The following TEX9 variants were observed in gnomAD, a reference collection of about 807,000 sequenced individuals.
The protein encoded by TEX9 is testis expressed 9.
Under a neutral mutation model 59.6 loss-of-function variants are expected in TEX9, and 74 were observed. The ratio of observed to expected loss-of-function variants is 1.24; its 90% CI spans 1.03 to 1.51. The LOEUF (loss-of-function observed/expected upper bound fraction) is 1.51. TEX9 is among the 40% of genes most tolerant of loss of function. The pLI is 0.00. For missense variants in TEX9, 522 were observed against 447.8 expected, an observed-to-expected ratio of 1.17 and a Z score of -1.49; for synonymous variants, 186 against 152.2, an observed-to-expected ratio of 1.22 and a Z score of -1.64.
intron 1 of TEX9, among the ~76,000 whole-genome samples, chr15:56,266,281 C>A (rs2141367947): frequency 6.6e-6 from 1 of 151,764 alleles, no homozygotes; most frequent in South Asian, 2.1e-4. Flanking sequence ...TGTGCACCAC[C>A]ATGCCTGGCT....
At chr15:56,398,841 G>A (rs538981116) in intron 9 of TEX9, among the ~76,000 whole-genome samples, 7 of 152,026 alleles carry the variant, frequency 4.6e-5, no homozygotes, top group African/African-American at 1.2e-4. Context: ...TTATAGAAAC[G>A]GAAACTGACT....
intron 1 of TEX9, among the ~76,000 whole-genome samples, chr15:56,274,827 T>C (rs1272673370): frequency 6.6e-6 from 1 of 152,204 alleles, no homozygotes; most frequent in Non-Finnish European, 1.5e-5. Flanking sequence ...GGGTTTGTCT[T>C]CAGTGTACCA....
At chr15:56,417,693 G>A (rs761065812) in intron 10 of TEX9, among the ~76,000 whole-genome samples, 2 of 151,846 alleles carry the variant, frequency 1.3e-5, no homozygotes, top group Non-Finnish European at 2.9e-5. Flanking sequence ...TTCTGTAAAG[G>A]TATCATATCC....
chr15:56,446,388 G>C (rs375649542), downstream of TEX9, among the ~76,000 whole-genome samples: 3 of 151,984 alleles, frequency 2.0e-5, 1 homozygote, highest in Admixed American at 6.6e-5. Context: ...ACCATATCAG[G>C]AGTTAGAAAA....
chr15:56,386,629 A>G (rs2047974724), intron 4 of TEX9, among the ~76,000 whole-genome samples: 1 of 151,894 alleles, frequency 6.6e-6, no homozygotes, highest in Non-Finnish European at 1.5e-5. Context: ...CCATGAAACC[A>G]CTTATCTTTA....
chr15:56,426,077 C>T (rs945447306), intron 10 of TEX9, among the ~76,000 whole-genome samples: 1 of 152,112 alleles, frequency 6.6e-6, no homozygotes, highest in Non-Finnish European at 1.5e-5. Flanking sequence ...CACCAGGTTC[C>T]TGCAGTTCTG....
chr15:56,413,528 T>G (rs2049513638), intron 10 of TEX9, among the ~76,000 whole-genome samples: 1 of 151,102 alleles, frequency 6.6e-6, no homozygotes, highest in Non-Finnish European at 1.5e-5. Flanking sequence ...ACTGAAACTC[T>G]CTACCAATTA....
At chr15:56,245,091 T>C (rs955586237) in intron 1 of TEX9, among the ~76,000 whole-genome samples, 1 of 152,172 alleles carries the variant, frequency 6.6e-6, no homozygotes, top group Non-Finnish European at 1.5e-5. Flanking sequence ...CTGGCCACTT[T>C]CCTGCTGTGT....
At chr15:56,248,381 A>G (rs760218242) in intron 1 of TEX9, among the ~76,000 whole-genome samples, 4 of 152,160 alleles carry the variant, frequency 2.6e-5, no homozygotes, top group Non-Finnish European at 5.9e-5. Flanking sequence ...TAAGTAGCCT[A>G]ACTATTCAAA....
At chr15:56,345,038 GAT>G (rs58688246) in intron 1 of TEX9, among the ~76,000 whole-genome samples, 6,262 of 141,458 alleles carry the variant, frequency 0.044, 198 homozygotes, top group Admixed American at 0.087. Flanking sequence ...TATCTATCTG[GAT>G]ATATATATAT....
In TEX9 at chr15:56,405,742, C is replaced by T. The variant is rs768385140; in HGVS notation, c.829-6560C>T. 5.3e-5 allele frequency among the ~76,000 whole-genome samples: 8 copies of T among 152,188 alleles called. No homozygotes were observed. In the South Asian group the frequency reaches 8.3e-4, roughly 16 times the overall value. On this transcript the variant is annotated intron_variant, in intron 9 of 12. Coordinates refer to ENST00000352903, the Ensembl canonical transcript of TEX9. ...TTTATATCTCTATACAAACAAATCT[C>T]GGTGTACAGTTCACAGAAAATGCCA...
At chr15:56,351,007 A>C (rs570886229) in intron 1 of TEX9, among the ~76,000 whole-genome samples, 1 of 152,312 alleles carries the variant, frequency 6.6e-6, no homozygotes, top group South Asian at 2.1e-4. Context: ...TCACTGTTTC[A>C]AAGACCAGTG....
chr15:56,263,325 G>A (rs8041393), intron 1 of TEX9, among the ~76,000 whole-genome samples: 4,760 of 152,020 alleles, frequency 0.031, 265 homozygotes, highest in African/African-American at 0.11. Context: ...GCCTGGCCAC[G>A]GGTTGTTTTT....
At chr15:56,455,721 T>C in the TEX9 span, among the ~76,000 whole-genome samples, 2 of 152,270 alleles carry the variant, frequency 1.3e-5, no homozygotes, top group South Asian at 2.1e-4. Flanking sequence ...CTGGCAGTCT[T>C]TCTTGGAGTA....
chr15:56,281,335 T>C (rs2044814969), intron 1 of TEX9, among the ~76,000 whole-genome samples: 1 of 152,226 alleles, frequency 6.6e-6, no homozygotes. Flanking sequence ...CATGGTCTGT[T>C]AGGAACTGGG....
rs949597971 is a variant in TEX9 at position 56,419,116 on chromosome 15, C to T, written c.963+6680C>T. Among the ~76,000 whole-genome samples the T allele has an allele frequency of 5.3e-4, 81 of 151,650 alleles. 1 individual carries two copies. The highest frequency in any genetic ancestry group is 2.3e-3 in the South Asian group (11 of 4,800). On this transcript the variant is annotated intron_variant, in intron 10 of 12. Transcript: ENST00000352903. ...GTTTCCAGAATACAGGTTTTACACA[C>T]TTTTTTTTCAAACTTATCTCTTAGT...
chr15:56,443,753 A>G (rs142738487), intron 12 of TEX9: 54 of 1,612,708 alleles, frequency 3.3e-5, no homozygotes, highest in Non-Finnish European at 4.4e-5. Flanking sequence ...TTCTTCTTCC[A>G]TCTCCTCACG....
intron 10 of TEX9, among the ~76,000 whole-genome samples, chr15:56,416,305 A>C (rs1194861015): frequency 6.6e-6 from 1 of 151,838 alleles, no homozygotes; most frequent in Non-Finnish European, 1.5e-5. Context: ...TTTCAAGGGA[A>C]TGCTTCCAGC....
At chr15:56,417,914 A>T (rs2049775818) in intron 10 of TEX9, among the ~76,000 whole-genome samples, 1 of 151,928 alleles carries the variant, frequency 6.6e-6, no homozygotes, top group Admixed American at 6.5e-5. Flanking sequence ...TACTGAATTC[A>T]ACACTTTACC....
Sources: allele counts gnomAD v4.1 joint callset (sites outside exome capture counted in the v4.1 genomes callset), GRCh38; gene constraint gnomAD v4.1.1; transcripts MANE v1.5; gene names NCBI Gene and HGNC (gene_info 2026-07-23, HGNC 2026-07-21).